Variants in GFAP observed in about 807,000 individuals in gnomAD.
GFAP encodes the protein glial fibrillary acidic protein.
A neutral mutation model predicts 49.3 loss-of-function variants in GFAP; 38 were observed. The observed-to-expected ratio is 0.77, with a 90% confidence interval of 0.60 to 1.01. GFAP has a LOEUF of 1.01. GFAP is among the 50% of genes least tolerant of loss of function. The pLI, the probability that GFAP is intolerant of heterozygous loss-of-function variation, is 0.00. For synonymous variants in GFAP, 222 were observed against 236.4 expected (o/e 0.94, Z 0.56); for missense variants, 463 against 579.1 (o/e 0.80, Z 2.06).
In GFAP at chr17:44,907,124, T is replaced by G; in HGVS notation, c.*223A>C. 1 of 599,438 alleles carries G rather than the reference T, an allele frequency of 1.7e-6. No individual in the cohort carries two copies. 37.1% of individuals were successfully genotyped at this position (599,438 alleles called of 1,614,324 possible). ...GACTGCCCCTTGGGGGTGAGTTTCT[T>G]GTTAGTTGGAGTTGCTGGGTGCTGG... On this transcript the variant is annotated 3_prime_UTR_variant, in exon 9 of 9. Coordinates refer to ENST00000588735, the MANE Select transcript of GFAP (RefSeq NM_002055.5).
chr17:44,905,477 G>A lies in GFAP; in HGVS notation c.*1870C>T. 1 of 201,036 alleles carries A rather than the reference G, an allele frequency of 5.0e-6. No homozygotes were observed. The allele number at this position is 201,036 out of a possible 1,614,324, so 12.5% of individuals were successfully genotyped here. ...AGAGGAAGGAAGAAAAGAGTGGAGGGAGCTGGTGTATGTCCTCTTTGGCTG... is the reference window on the plus strand; with the variant it reads ...AGAGGAAGGAAGAAAAGAGTGGAGGAAGCTGGTGTATGTCCTCTTTGGCTG... On this transcript the variant is annotated 3_prime_UTR_variant, in exon 9 of 9. Transcript: ENST00000588735.
In GFAP at chr17:44,913,688, A is replaced by G. The variant is rs2051831438; in HGVS notation, c.618+40T>C. On this transcript the variant is annotated intron_variant, in intron 3 of 8. Coordinates refer to ENST00000588735, the MANE Select transcript of GFAP (RefSeq NM_002055.5). ...TCTGTCTCTCCCTCTCTCAGTTGCA[A>G]TCTCTGTGTTGAGCTTTCCTCCCTC... The G allele has an allele frequency of 6.3e-6, 9 of 1,432,138 alleles. No individual in the cohort carries two copies. In the South Asian group the frequency reaches 1.0e-4, roughly 16 times the overall value. The allele number at this position is 1,432,138 out of a possible 1,614,324, so 88.7% of individuals were successfully genotyped here.
Position 44,906,475 on chromosome 17 carries a change from C to T in GFAP, c.*872G>A, listed in dbSNP as rs1345848276. Reference sequence around the variant, plus strand: ...GGCAGCCCCCCTCTATCCCTCCCAGCACCTCATCCCTCTCCACGTACACAA... The same window carrying T: ...GGCAGCCCCCCTCTATCCCTCCCAGTACCTCATCCCTCTCCACGTACACAA... On this transcript the variant is annotated 3_prime_UTR_variant, in exon 9 of 9. Coordinates refer to ENST00000588735, the MANE Select transcript of GFAP (RefSeq NM_002055.5). 3.3e-5 allele frequency: 5 copies of T among 152,634 alleles called. No individual in the cohort carries two copies. The highest frequency in any genetic ancestry group is 5.9e-5 in the Non-Finnish European group (4 of 68,376). 9.5% of individuals were successfully genotyped at this position (152,634 alleles called of 1,614,324 possible).
chr17:44,913,581 G>T, intron 3 of GFAP, 147 bp downstream of exon 3: 1 of 1,076,640 alleles, frequency 9.3e-7, no homozygotes, highest in Non-Finnish European at 1.4e-6. Context: ...CTTTCTGTTT[G>T]TCTTTCATTT....
rs142835382 is a variant in GFAP, at chr17:44,913,052, A to G, written c.780+217T>C. On this transcript the variant is annotated intron_variant, in intron 4 of 8. Transcript: ENST00000588735. ...GGCTTAGAACAGAACAGTATCAGCT[A>G]CTACTAATAATAGCAATAGTAGCAG... 24 of 609,472 alleles carry G rather than the reference A, an allele frequency of 3.9e-5. No individual in the cohort carries two copies. The East Asian group carries it at 6.5e-4, about 17-fold the overall frequency. The allele number at this position is 609,472 out of a possible 1,614,324, so 37.8% of individuals were successfully genotyped here.
At chr17:44,911,025 C>T (rs1362152133) in intron 6 of GFAP, among the ~76,000 whole-genome samples, 1 of 152,164 alleles carries the variant, frequency 6.6e-6, no homozygotes, top group Non-Finnish European at 1.5e-5. Context: ...GGCCTTGAGG[C>T]CTAATCAATA....
In GFAP at chr17:44,904,942, T is replaced by C. The variant is rs1187034356; in HGVS notation, c.*2405A>G. 6 of 1,550,542 alleles carry C rather than the reference T, an allele frequency of 3.9e-6. No homozygotes were observed. The African/African-American group carries it at 5.5e-5, about 14-fold the overall frequency. On this transcript the variant is annotated 3_prime_UTR_variant, in exon 9 of 9. Transcript: ENST00000588735. ...GGCACTACCCAGCCTCGTTCTCAGA[T>C]CCTGAGACTCGCTCGGCTGTGGAGC...
intron 7 of GFAP, chr17:44,910,085 G>C (rs888478313): frequency 1.1e-5 from 18 of 1,613,180 alleles, no homozygotes; most frequent in Non-Finnish European, 1.4e-5. Flanking sequence ...GGGTGGGTGA[G>C]GCTCACTCCC....
intron 4 of GFAP, among the ~76,000 whole-genome samples, chr17:44,912,091 G>C (rs966821749): frequency 4.6e-5 from 7 of 151,950 alleles, no homozygotes; most frequent in African/African-American, 1.5e-4. Flanking sequence ...GCGAGCGGAG[G>C]CCTGGGTGTT....
intron 1 of GFAP, 117 bp downstream of exon 1, chr17:44,914,909 G>T: frequency 1.2e-6 from 1 of 848,552 alleles, no homozygotes; most frequent in Non-Finnish European, 1.9e-6. Context: ...CCATCAAGAG[G>T]TAGGGAGGCC....
chr17:44,908,128 G>C lies in GFAP; in HGVS notation c.1193C>G (p.Ser398Cys). ...QIRETSLDTKSVSEGHLKRNI... is the reference protein window; with the variant it reads ...QIRETSLDTKCVSEGHLKRNI... ...CCTCTTGAGGTGGCCTTCTGACACA[G>C]ACTTGGTGTCCAGGCTGGTTTCTGC... Residue 398 changes from serine to cysteine, a missense_variant, in exon 8 of 9, where the codon TCT becomes TGT. This residue lies in a region of GFAP where 362 missense variants were observed against 445.5 expected (regional missense o/e 0.81). Transcript: ENST00000588735. The C allele has an allele frequency of 1.9e-6, 3 of 1,609,232 alleles. No homozygotes were observed. Among genetic ancestry groups the C allele is most frequent in the Non-Finnish European group, 2.6e-6 (3 of 1,175,736 alleles).
rs909610330 is a variant in GFAP at position 44,904,998 on chromosome 17, C to T, written c.*2349G>A. Reference sequence around the variant, plus strand: ...CTGATAGGCTACCTGCTCATCACAGCAGTCTTTGTCACCATTCACTTCTGT... The same window carrying T: ...CTGATAGGCTACCTGCTCATCACAGTAGTCTTTGTCACCATTCACTTCTGT... On this transcript the variant is annotated 3_prime_UTR_variant, in exon 9 of 9. Coordinates refer to ENST00000588735, the MANE Select transcript of GFAP (RefSeq NM_002055.5). 2.6e-6 allele frequency: 4 copies of T among 1,550,728 alleles called. No individual in the cohort carries two copies. Among genetic ancestry groups the T allele is most frequent in the African/African-American group, 1.4e-5 (1 of 73,070 alleles).
In GFAP at chr17:44,903,798, C is replaced by G; in HGVS notation, c.*3549G>C. 6.5e-7 allele frequency: 1 copy of G among 1,529,136 alleles called. No individual in the cohort carries two copies. The highest frequency in any genetic ancestry group is 8.8e-7 in the Non-Finnish European group (1 of 1,135,942). 94.7% of individuals were successfully genotyped at this position (1,529,136 alleles called of 1,614,324 possible). On this transcript the variant is annotated 3_prime_UTR_variant, in exon 9 of 9. Coordinates refer to ENST00000588735, the MANE Select transcript of GFAP (RefSeq NM_002055.5). ...ATGAGCCTTTAATGCCCTGGTTTTGCCCTGCCCCTCTGACCCCTGCCTCCT... is the reference window on the plus strand; with the variant it reads ...ATGAGCCTTTAATGCCCTGGTTTTGGCCTGCCCCTCTGACCCCTGCCTCCT...
In GFAP at chr17:44,911,756, C is replaced by T. The variant is rs1356979586; in HGVS notation, c.822G>A (p.Leu274=). 1 of 1,613,912 alleles carries T rather than the reference C, an allele frequency of 6.2e-7. No individual in the cohort carries two copies. Among genetic ancestry groups the T allele is most frequent in the Non-Finnish European group, 8.5e-7 (1 of 1,179,986 alleles). ...LTDAAARNAE[L]LRQAKHEAND... is the part of the protein sequence containing the mutation. ...TGGCTTCGTGCTTGGCCTGGCGGAGCAGCTCCGCGTTGCGGGCAGCAGCGT... is the reference window on the plus strand; with the variant it reads ...TGGCTTCGTGCTTGGCCTGGCGGAGTAGCTCCGCGTTGCGGGCAGCAGCGT... Residue 274 remains leucine, a synonymous_variant, in exon 5 of 9, where the codon CTG becomes CTA. Transcript: ENST00000588735.
chr17:44,903,464 T>G lies in GFAP; in HGVS notation c.*3883A>C. On this transcript the variant is annotated 3_prime_UTR_variant, in exon 9 of 9. Coordinates refer to ENST00000588735, the MANE Select transcript of GFAP (RefSeq NM_002055.5). ...TCCACCAGGCTGGCAGGGCAGGGCC[T>G]GGAGCACTGAGGCAGAGATCTCCCT... 7.9e-7 allele frequency: 1 copy of G among 1,267,498 alleles called. No individual in the cohort carries two copies. The highest frequency in any genetic ancestry group is 3.0e-5 in the East Asian group (1 of 33,356). The allele number at this position is 1,267,498 out of a possible 1,614,324, so 78.5% of individuals were successfully genotyped here.
At chr17:44,912,730 G>A (rs1232173911) in intron 4 of GFAP, 1 of 194,502 alleles carries the variant, frequency 5.1e-6, no homozygotes, top group African/African-American at 2.3e-5. Flanking sequence ...CTGAGCTGTG[G>A]TGTTCTCTAC....
rs1305911440 is a variant in GFAP at position 44,905,269 on chromosome 17, T to C, written c.*2078A>G. The stretch of plus-strand genomic sequence containing the variant: ...GAGGGGCCTGAGGCTGGTGGGAGAT[T>C]GGGGACTGAGCTCAGGATGGAAGTA... On this transcript the variant is annotated 3_prime_UTR_variant, in exon 9 of 9. Coordinates refer to ENST00000588735, the MANE Select transcript of GFAP (RefSeq NM_002055.5). The C allele has an allele frequency of 5.1e-6, 3 of 592,060 alleles. No individual in the cohort carries two copies. The highest frequency in any genetic ancestry group is 9.2e-6 in the Non-Finnish European group (3 of 326,018). 36.7% of individuals were successfully genotyped at this position (592,060 alleles called of 1,614,324 possible).
chr17:44,910,110 AAGCGCCGTGTCTG>A, intron 7 of GFAP: 1 of 1,613,866 alleles, frequency 6.2e-7, no homozygotes, highest in Non-Finnish European at 8.5e-7. Context: ...AAGCTGGGCA[AAGCGCCGTGTCTG>A]AGAGGCAGGC....
At chr17:44,913,525 C>T in intron 3 of GFAP, 95 bp from the exon 4 acceptor site, 2 of 1,370,228 alleles carry the variant, frequency 1.5e-6, no homozygotes, top group South Asian at 2.4e-5. Context: ...TGCCCCTCGG[C>T]CAGGAGTTCG....
Sources: gnomAD v4.1 joint callset for allele counts (sites outside exome capture counted in the v4.1 genomes callset) on GRCh38, gnomAD v4.1.1 for gene constraint, gnomAD v4.1.1 regional missense constraint, MANE v1.5 for transcripts, NCBI Gene and HGNC (gene_info 2026-07-23, HGNC 2026-07-21) for gene names.